The following CTDP1 variants were observed in gnomAD, a reference collection of about 807,000 sequenced individuals.
The protein encoded by CTDP1 is RNA polymerase II subunit A C-terminal domain phosphatase.
A neutral mutation model predicts 91.8 loss-of-function variants in CTDP1; 47 were observed. That is an observed-to-expected ratio of 0.51 (90% CI 0.41 to 0.65). CTDP1 has a LOEUF of 0.65. Among genes scored for constraint, CTDP1 ranks in the 30% least tolerant of loss-of-function variants. The pLI is 0.00. For synonymous variants in CTDP1, 656 were observed against 598.5 expected, an observed-to-expected ratio of 1.10 and a Z score of -1.40; for missense variants, 1,272 against 1,373.7, an observed-to-expected ratio of 0.93 and a Z score of 1.17.
intron 12 of CTDP1, among the ~76,000 whole-genome samples, chr18:79,738,578 C>T (rs553473863): frequency 5.2e-4 from 79 of 152,328 alleles, no homozygotes; most frequent in African/African-American, 1.8e-3. Flanking sequence ...TTTCTCCCCA[C>T]GTCTGGTCTT....
chr18:79,714,004 G>T (rs2086139034), intron 7 of CTDP1, among the ~76,000 whole-genome samples: 1 of 147,426 alleles, frequency 6.8e-6, no homozygotes. Flanking sequence ...GTGGTGCCAG[G>T]TCTGCAGGGG....
chr18:79,723,415 C>G (rs1455471536), intron 10 of CTDP1, among the ~76,000 whole-genome samples: 1 of 152,240 alleles, frequency 6.6e-6, no homozygotes, highest in Non-Finnish European at 1.5e-5. Flanking sequence ...CCCATTGTGA[C>G]AGGACGCTTG....
intron 5 of CTDP1, among the ~76,000 whole-genome samples, chr18:79,709,990 T>A (rs1453887896): frequency 6.6e-6 from 1 of 152,204 alleles, no homozygotes; most frequent in Non-Finnish European, 1.5e-5. Flanking sequence ...AAGAACCACA[T>A]GCAGAGTGTT....
downstream of CTDP1, chr18:79,754,508 T>C (rs1226176149): frequency 6.5e-6 from 1 of 152,750 alleles, no homozygotes; most frequent in Non-Finnish European, 1.5e-5. Context: ...TTGTAAGTTC[T>C]CTTCTCGTGG....
At chr18:79,728,641 G>A (rs1054557978) in intron 10 of CTDP1, among the ~76,000 whole-genome samples, 28 of 152,288 alleles carry the variant, frequency 1.8e-4, no homozygotes, top group East Asian at 1.2e-3. Flanking sequence ...TCTGCCCCAC[G>A]GGGGTTTTGT....
chr18:79,738,045 C>T (rs1444907729), intron 12 of CTDP1, among the ~76,000 whole-genome samples: 2 of 146,150 alleles, frequency 1.4e-5, no homozygotes, highest in African/African-American at 2.7e-5. Context: ...CCCTGCTCAC[C>T]GCCCCCGGGA....
At chr18:79,715,571 G>A (rs1199611770) in intron 8 of CTDP1, 43 bp downstream of exon 8, 37 of 1,521,068 alleles carry the variant, frequency 2.4e-5, no homozygotes, top group African/African-American at 4.1e-5. Flanking sequence ...TCAGGCCCGC[G>A]GGCTCCTTGC....
intron 1 of CTDP1, among the ~76,000 whole-genome samples, chr18:79,682,446 C>T (rs2085394817): frequency 6.6e-6 from 1 of 152,256 alleles, no homozygotes; most frequent in Non-Finnish European, 1.5e-5. Flanking sequence ...GAAATCTCCG[C>T]AGCTTTTGCT....
At chr18:79,711,471 C>T (rs1402281818) in intron 6 of CTDP1, among the ~76,000 whole-genome samples, 1 of 152,094 alleles carries the variant, frequency 6.6e-6, no homozygotes, top group Non-Finnish European at 1.5e-5. Flanking sequence ...GGAGGGCAGG[C>T]GTAGGGACGG....
At chr18:79,688,216 C>T (rs943137112) in intron 1 of CTDP1, among the ~76,000 whole-genome samples, 1 of 152,256 alleles carries the variant, frequency 6.6e-6, no homozygotes, top group Non-Finnish European at 1.5e-5. Flanking sequence ...GGGCTCCCAC[C>T]CCTGTGGCTG....
intron 12 of CTDP1, among the ~76,000 whole-genome samples, chr18:79,738,059 G>A (rs941208311): frequency 2.4e-5 from 3 of 122,748 alleles, no homozygotes; most frequent in African/African-American, 9.1e-5. Context: ...CCCGGGAGTT[G>A]CCTTCCCCAC....
intron 1 of CTDP1, among the ~76,000 whole-genome samples, chr18:79,694,296 G>A (rs2085694848): frequency 7.7e-6 from 1 of 129,142 alleles, no homozygotes. Context: ...GTGCTGGGCG[G>A]TCTCATGTCC....
chr18:79,753,610 C>T lies in CTDP1; in HGVS notation c.2748-42C>T, dbSNP rs746494589. 27 of 1,613,870 alleles carry T rather than the reference C, an allele frequency of 1.7e-5. No individual in the cohort carries two copies. In the East Asian group the frequency reaches 4.9e-4, roughly 29 times the overall value. On this transcript the variant is annotated intron_variant, in intron 12 of 12. Coordinates refer to ENST00000613122, the MANE Select transcript of CTDP1 (RefSeq NM_004715.5). The stretch of plus-strand genomic sequence containing the variant: ...GACCAGGCGGTGACCCGGCGTTGTG[C>T]GTTTGCCACAAGCATCTCACACCAT...
At position 79,696,013 on chromosome 18, in the gene CTDP1, G is replaced by C. The variant is rs771285040; in HGVS notation, c.435G>C (p.Leu145=). The C allele has an allele frequency of 6.2e-7, 1 of 1,612,684 alleles. No individual in the cohort carries two copies. Among genetic ancestry groups the C allele is most frequent in the South Asian group, 1.1e-5 (1 of 91,088 alleles). Residue 145 remains leucine (L), a synonymous_variant, in exon 3 of 13, where the codon CTG becomes CTC. Transcript: ENST00000613122. ...AGAACGGGAAGCAGCAGGTGCCGCTGTCCACGGCGACCGTGTCCATGGTGC... is the reference window on the plus strand; with the variant it reads ...AGAACGGGAAGCAGCAGGTGCCGCTCTCCACGGCGACCGTGTCCATGGTGC... ...QSKNGKQQVP[L]STATVSMVHS...
chr18:79,702,058 G>T (rs190904390), intron 4 of CTDP1, among the ~76,000 whole-genome samples: 1 of 152,384 alleles, frequency 6.6e-6, no homozygotes, highest in Non-Finnish European at 1.5e-5. Flanking sequence ...AACTTAGTTG[G>T]TAAACCAGCG....
intron 10 of CTDP1, among the ~76,000 whole-genome samples, 169 bp downstream of exon 10, chr18:79,718,185 G>C (rs1314188891): frequency 1.3e-5 from 2 of 152,102 alleles, no homozygotes; most frequent in East Asian, 3.9e-4. Context: ...TGCAGTCTTG[G>C]GTCCTTTTGT....
At chr18:79,755,419 G>C (rs1319751733), downstream of CTDP1, 1 of 152,192 alleles carries the variant, frequency 6.6e-6, no homozygotes, top group Non-Finnish European at 1.5e-5. Context: ...TTCGCCACGA[G>C]CAAGAATGTA....
In CTDP1 at chr18:79,679,839, A is replaced by G; in HGVS notation, c.-109A>G. On this transcript the variant is annotated 5_prime_UTR_variant, in exon 1 of 13. Transcript: ENST00000613122. ...GGCTAGGCGACGGGTGGAAGCCGGT[A>G]CCGAGAGGAACTACAGCGTCGCCGC... The G allele has an allele frequency of 1.9e-6, 2 of 1,068,006 alleles. No homozygotes were observed. Among genetic ancestry groups the G allele is most frequent in the Non-Finnish European group, 2.5e-6 (2 of 789,696 alleles). The allele number at this position is 1,068,006 out of a possible 1,614,324, so 66.2% of individuals were successfully genotyped here.
In CTDP1 at chr18:79,679,975, C is replaced by T. The variant is rs1055392587; in HGVS notation, c.28C>T (p.Pro10Ser). ...GGAGGTGCCGGCCGCGGGTCGCGTT[C>T]CTGCCGAGGGCGCCCCGACGGCGGC... is the stretch of plus-strand genomic sequence containing the variant. MEVPAAGRV[P>S]AEGAPTAAVA... The change falls in exon 1 of 13, where the codon CCT (proline) becomes TCT (serine). Residue 10 changes from proline to serine, a missense_variant. Physicochemically the swap from Pro to Ser is moderately conservative, Grantham distance 74 (BLOSUM62 -1). Coordinates refer to ENST00000613122, the MANE Select transcript of CTDP1 (RefSeq NM_004715.5). The T allele has an allele frequency of 1.6e-4, 221 of 1,370,980 alleles. 1 individual carries two copies. The highest frequency in any genetic ancestry group is 1.9e-4 in the Non-Finnish European group (200 of 1,057,732). 84.9% of individuals were successfully genotyped at this position (1,370,980 alleles called of 1,614,324 possible).
Sources: allele counts gnomAD v4.1 joint callset (sites outside exome capture counted in the v4.1 genomes callset), GRCh38; gene constraint gnomAD v4.1.1; transcripts MANE v1.5; gene names NCBI Gene and HGNC (gene_info 2026-07-23, HGNC 2026-07-21).